Variants in CSMD1 observed in about 807,000 individuals in gnomAD.
CSMD1 encodes CUB and sushi domain-containing protein 1.
Under a neutral mutation model 417.5 loss-of-function variants are expected in CSMD1, and 213 were observed. The ratio of observed to expected loss-of-function variants is 0.51; its 90% CI spans 0.46 to 0.57. The LOEUF (loss-of-function observed/expected upper bound fraction) is 0.57. Ranked by LOEUF, CSMD1 falls within the 20% of genes least tolerant of loss-of-function variation. The pLI is 0.00. For missense variants in CSMD1, 6,923 were observed against 4,529.7 expected, an observed-to-expected ratio of 1.53 and a Z score of -15.17; for synonymous variants, 2,862 against 1,736.8, an observed-to-expected ratio of 1.65 and a Z score of -16.11.
At chr8:3,591,466 A>G (rs954237527) in intron 8 of CSMD1, among the ~76,000 whole-genome samples, 1 of 152,206 alleles carries the variant, frequency 6.6e-6, no homozygotes, top group Non-Finnish European at 1.5e-5. Context: ...TTGAGAACTT[A>G]TTAAACATTG....
At chr8:4,326,496 A>G (rs1320631022) in intron 3 of CSMD1, among the ~76,000 whole-genome samples, 1 of 152,304 alleles carries the variant, frequency 6.6e-6, no homozygotes, top group Admixed American at 6.5e-5. Flanking sequence ...AGGAGATAGG[A>G]AAAAAGGTCC....
At chr8:4,909,071 T>C (rs1003106785) in intron 1 of CSMD1, among the ~76,000 whole-genome samples, 5 of 152,194 alleles carry the variant, frequency 3.3e-5, no homozygotes, top group African/African-American at 1.2e-4. Flanking sequence ...TTTGTGTTAA[T>C]CGGACTAGGA....
In CSMD1 at chr8:3,369,262, T is replaced by A. The variant is rs1157362726; in HGVS notation, c.2891A>T (p.His964Leu). The A allele has an allele frequency of 6.7e-7, 1 of 1,491,828 alleles. No homozygotes were observed. The highest frequency in any genetic ancestry group is 9.4e-7 in the Non-Finnish European group (1 of 1,069,482). 92.4% of individuals were successfully genotyped at this position (1,491,828 alleles called of 1,614,324 possible). The change falls in exon 19 of 70, where the codon CAT becomes CTT. Residue 964 changes from histidine (H) to leucine (L), a missense_variant. Transcript: ENST00000635120. Reference protein sequence around the residue: ...LNCTWTIEVSHGKGVQMIFHT... With the variant: ...LNCTWTIEVSLGKGVQMIFHT... Reference sequence around the variant, plus strand: ...CTATGATAGATTCTTACCTTTCCCATGAGACACTTCAATGGTCCACGTGCA... The same window carrying A: ...CTATGATAGATTCTTACCTTTCCCAAGAGACACTTCAATGGTCCACGTGCA...
At chr8:4,448,834 A>G (rs1380700957) in intron 2 of CSMD1, among the ~76,000 whole-genome samples, 4 of 152,292 alleles carry the variant, frequency 2.6e-5, no homozygotes, top group Non-Finnish European at 5.9e-5. Context: ...GGTAAAAGGT[A>G]ATTTCTCTAT....
At chr8:4,497,488 T>C (rs1802037461) in intron 2 of CSMD1, among the ~76,000 whole-genome samples, 1 of 152,222 alleles carries the variant, frequency 6.6e-6, no homozygotes, top group Admixed American at 6.5e-5. Flanking sequence ...TAACCTGTCA[T>C]CTCTCTTTAG....
At chr8:3,922,165 C>G (rs999189841) in intron 5 of CSMD1, among the ~76,000 whole-genome samples, 1 of 152,064 alleles carries the variant, frequency 6.6e-6, no homozygotes, top group Admixed American at 6.6e-5. Context: ...TGCCTAATGT[C>G]TATTTTGTAT....
chr8:3,382,359 A>G (rs575180185), intron 18 of CSMD1, among the ~76,000 whole-genome samples: 3 of 146,180 alleles, frequency 2.1e-5, no homozygotes, highest in African/African-American at 7.4e-5. Flanking sequence ...TATATTTATT[A>G]TTAGCATTCC....
chr8:3,950,402 C>T (rs1472335955), intron 5 of CSMD1, among the ~76,000 whole-genome samples: 1 of 152,166 alleles, frequency 6.6e-6, no homozygotes, highest in Non-Finnish European at 1.5e-5. Flanking sequence ...AATCGGCCTA[C>T]GGGTCAATGT....
chr8:4,015,907 C>T (rs967354264), intron 4 of CSMD1, among the ~76,000 whole-genome samples: 7 of 152,090 alleles, frequency 4.6e-5, no homozygotes, highest in South Asian at 2.1e-4. Flanking sequence ...CAGAAACAAA[C>T]AAATGGCAAC....
chr8:3,770,761 C>G (rs1798523304), intron 5 of CSMD1, among the ~76,000 whole-genome samples: 1 of 152,100 alleles, frequency 6.6e-6, no homozygotes, highest in South Asian at 2.1e-4. Flanking sequence ...CATTCCCCGC[C>G]AAACCCATAC....
intron 6 of CSMD1, among the ~76,000 whole-genome samples, chr8:3,745,020 G>A (rs893312214): frequency 6.6e-6 from 1 of 152,058 alleles, no homozygotes; most frequent in African/African-American, 2.4e-5. Context: ...GGATTCTCCG[G>A]GCAGTGAATA....
At chr8:2,994,967 C>A (rs1310815373) in intron 54 of CSMD1, among the ~76,000 whole-genome samples, 7 of 152,002 alleles carry the variant, frequency 4.6e-5, no homozygotes, top group Admixed American at 1.3e-4. Context: ...AAGTGATAGA[C>A]AAAATAGAGG....
intron 18 of CSMD1, among the ~76,000 whole-genome samples, chr8:3,386,748 GC>G (rs1811025355): frequency 6.6e-6 from 1 of 152,088 alleles, no homozygotes. Flanking sequence ...ACGTTTTTCT[GC>G]AGAAACAATG....
At chr8:4,274,942 G>C (rs760995708) in intron 3 of CSMD1, among the ~76,000 whole-genome samples, 11 of 152,118 alleles carry the variant, frequency 7.2e-5, no homozygotes, top group Non-Finnish European at 1.5e-4. Context: ...ATATTTTCTT[G>C]AGAGCCATCA....
At chr8:4,463,406 C>A (rs1044311614) in intron 2 of CSMD1, among the ~76,000 whole-genome samples, 26 of 152,258 alleles carry the variant, frequency 1.7e-4, no homozygotes, top group African/African-American at 6.3e-4. Context: ...TATGAACCAG[C>A]AAATCCACAG....
chr8:4,936,253 A>T (rs190539193), intron 1 of CSMD1, among the ~76,000 whole-genome samples: 70 of 152,364 alleles, frequency 4.6e-4, no homozygotes, highest in African/African-American at 1.6e-3. Context: ...TTATATCATC[A>T]GATAACAGAT....
At chr8:4,758,534 G>C (rs533758265) in intron 1 of CSMD1, among the ~76,000 whole-genome samples, 73 of 152,300 alleles carry the variant, frequency 4.8e-4, no homozygotes, top group African/African-American at 1.6e-3. Flanking sequence ...GAAGTAGTGA[G>C]AGGCAGAAAC....
chr8:3,045,179 AT>A (rs1311445680), intron 50 of CSMD1, among the ~76,000 whole-genome samples: 1 of 152,204 alleles, frequency 6.6e-6, no homozygotes, highest in African/African-American at 2.4e-5. Context: ...ATGGATTTCC[AT>A]TTTATTATAA....
chr8:4,896,681 G>A (rs764368493), intron 1 of CSMD1, among the ~76,000 whole-genome samples: 7 of 152,102 alleles, frequency 4.6e-5, no homozygotes, highest in Non-Finnish European at 1.0e-4. Context: ...GGGAAGGATT[G>A]CATACGTGCT....
Sources: allele counts gnomAD v4.1 joint callset (sites outside exome capture counted in the v4.1 genomes callset), GRCh38; gene constraint gnomAD v4.1.1; transcripts MANE v1.5; gene names NCBI Gene and HGNC (gene_info 2026-07-23, HGNC 2026-07-21).